The following MYO18B variants were observed in gnomAD, a reference collection of about 807,000 sequenced individuals.
MYO18B encodes unconventional myosin-XVIIIb.
In MYO18B, 204 loss-of-function variants were observed where a neutral mutation model predicts 273.0. The observed-to-expected ratio is 0.75, with a 90% CI of 0.67 to 0.84. MYO18B has a LOEUF of 0.84. MYO18B is among the 40% of genes least tolerant of loss of function. The pLI is 0.00. For synonymous variants in MYO18B, 1,330 were observed against 1,305.7 expected (o/e 1.02, Z -0.40); for missense variants, 3,212 against 3,287.6 (o/e 0.98, Z 0.56).
At chr22:25,839,122 G>A (rs1046545416) in intron 17 of MYO18B, among the ~76,000 whole-genome samples, 4 of 137,098 alleles carry the variant, frequency 2.9e-5, no homozygotes, top group African/African-American at 9.9e-5. Flanking sequence ...ATATATGTAT[G>A]AGTGTTTGTG....
intron 12 of MYO18B, among the ~76,000 whole-genome samples, chr22:25,810,516 C>G (rs1443550784): frequency 1.3e-5 from 2 of 150,332 alleles, no homozygotes; most frequent in East Asian, 3.9e-4. Flanking sequence ...TCACTGCGAC[C>G]TCTGCCTCCC....
the MYO18B span, among the ~76,000 whole-genome samples, chr22:26,053,971 G>A: frequency 1.6e-4 from 25 of 152,112 alleles, no homozygotes; most frequent in Admixed American, 3.9e-4. Context: ...GGGGTTGGGG[G>A]ACAATGGAAA....
chr22:25,744,641 G>T (rs2085723985), intron 1 of MYO18B, among the ~76,000 whole-genome samples: 1 of 152,180 alleles, frequency 6.6e-6, no homozygotes, highest in Admixed American at 6.5e-5. Flanking sequence ...GGCTGAGGCA[G>T]GAGAATGGCA....
At chr22:25,937,710 C>T (rs139339323) in intron 34 of MYO18B, among the ~76,000 whole-genome samples, 4,544 of 151,922 alleles carry the variant, frequency 0.03, 220 homozygotes, top group African/African-American at 0.098. Flanking sequence ...CTCAGCCTCC[C>T]GAGTAGCTGG....
intron 35 of MYO18B, 72 bp downstream of exon 35, chr22:25,946,322 G>A (rs1483149837): frequency 9.4e-6 from 10 of 1,062,646 alleles, no homozygotes; most frequent in Admixed American, 4.3e-5. Flanking sequence ...TGGGCCTAGT[G>A]TGCGCTCAGC....
At chr22:25,841,102 G>C (rs1226739383) in intron 17 of MYO18B, among the ~76,000 whole-genome samples, 1 of 152,174 alleles carries the variant, frequency 6.6e-6, no homozygotes. Flanking sequence ...TTTGCTGAGT[G>C]TTCCCACAAG....
chr22:26,042,371 C>T, the MYO18B span, among the ~76,000 whole-genome samples: 5 of 152,238 alleles, frequency 3.3e-5, no homozygotes, highest in Non-Finnish European at 7.3e-5. Context: ...TATCAGCTTC[C>T]CTTCTTCCTC....
At chr22:25,955,936 G>A (rs948507577) in intron 39 of MYO18B, among the ~76,000 whole-genome samples, 3 of 152,200 alleles carry the variant, frequency 2.0e-5, no homozygotes, top group Non-Finnish European at 2.9e-5. Flanking sequence ...AAGCCACCAT[G>A]TGTGAAGTAT....
At chr22:25,868,211 TG>T in intron 21 of MYO18B, 108 bp from the exon 22 acceptor site, 1 of 888,760 alleles carries the variant, frequency 1.1e-6, no homozygotes, top group Non-Finnish European at 1.8e-6. Flanking sequence ...CACAGACATG[TG>T]GGGTCATCCT....
At chr22:25,762,492 C>G (rs1204541456) in intron 2 of MYO18B, among the ~76,000 whole-genome samples, 1 of 152,280 alleles carries the variant, frequency 6.6e-6, no homozygotes, top group African/African-American at 2.4e-5. Flanking sequence ...GGTCTCATGC[C>G]TCAGCCTCCA....
At chr22:25,912,778 T>G (rs2092182736) in intron 33 of MYO18B, among the ~76,000 whole-genome samples, 1 of 152,184 alleles carries the variant, frequency 6.6e-6, no homozygotes, top group African/African-American at 2.4e-5. Context: ...GCTTTTCTCT[T>G]TCTTTCCTCC....
chr22:26,017,222 C>CAA (rs1207515552), intron 42 of MYO18B, among the ~76,000 whole-genome samples: 2 of 149,462 alleles, frequency 1.3e-5, no homozygotes, highest in Admixed American at 6.7e-5. Context: ...AATTTGTTAA[C>CAA]AAAAGAGGAC....
intron 39 of MYO18B, among the ~76,000 whole-genome samples, chr22:25,959,758 G>A (rs997016058): frequency 6.6e-6 from 1 of 152,228 alleles, no homozygotes; most frequent in South Asian, 2.1e-4. Flanking sequence ...GGAGAACATG[G>A]AGGGGCCCGG....
intron 1 of MYO18B, among the ~76,000 whole-genome samples, chr22:25,758,663 A>T (rs2086203989): frequency 6.6e-6 from 1 of 152,082 alleles, no homozygotes; most frequent in African/African-American, 2.4e-5. Flanking sequence ...ATTTATAGGG[A>T]TAGAGAGTAG....
At chr22:25,802,189 A>C (rs1282938890) in intron 12 of MYO18B, among the ~76,000 whole-genome samples, 2 of 152,166 alleles carry the variant, frequency 1.3e-5, no homozygotes, top group Admixed American at 1.3e-4. Context: ...AGAATGACTC[A>C]CAGGATTCAA....
At chr22:25,798,942 C>G (rs749104685) in intron 12 of MYO18B, among the ~76,000 whole-genome samples, 2 of 151,892 alleles carry the variant, frequency 1.3e-5, no homozygotes, top group Admixed American at 6.6e-5. Flanking sequence ...TATCCTTGTC[C>G]CCATCCTTAA....
intron 17 of MYO18B, 118 bp from the exon 18 acceptor site, chr22:25,843,617 A>G (rs2090148333): frequency 9.6e-7 from 1 of 1,045,544 alleles, no homozygotes; most frequent in Admixed American, 2.4e-5. Context: ...GCCTTCGACC[A>G]TGAGCGTTAG....
intron 12 of MYO18B, among the ~76,000 whole-genome samples, chr22:25,811,497 C>T (rs191833868): frequency 1.5e-3 from 221 of 152,244 alleles, no homozygotes; most frequent in African/African-American, 5.1e-3. Flanking sequence ...TCCAAGCAGC[C>T]GTATCTTCAG....
chr22:26,038,816 C>T, the MYO18B span, among the ~76,000 whole-genome samples: 1 of 152,192 alleles, frequency 6.6e-6, no homozygotes, highest in Non-Finnish European at 1.5e-5. Context: ...CCCTTAGTCT[C>T]TCTGCCCTGA....
Sources: gnomAD v4.1 joint callset for allele counts (sites outside exome capture counted in the v4.1 genomes callset) on GRCh38, gnomAD v4.1.1 for gene constraint, MANE v1.5 for transcripts, NCBI Gene and HGNC (gene_info 2026-07-23, HGNC 2026-07-21) for gene names.